EDIL3: variants seen among roughly 807,000 people sequenced by gnomAD.
The protein encoded by EDIL3 is EGF-like repeat and discoidin I-like domain-containing protein 3.
In EDIL3, 37 loss-of-function variants were observed where a neutral mutation model predicts 67.4. The ratio of observed to expected loss-of-function variants is 0.55; its 90% CI spans 0.42 to 0.72. The LOEUF (loss-of-function observed/expected upper bound fraction) is 0.72, where lower values mean the gene tolerates loss of function less well. EDIL3 is among the 30% of genes least tolerant of loss of function. The pLI is 0.00. For missense variants in EDIL3, 527 were observed against 586.3 expected, an observed-to-expected ratio of 0.90 and a Z score of 1.04; for synonymous variants, 195 against 196.3, an observed-to-expected ratio of 0.99 and a Z score of 0.05.
At chr5:83,957,552 C>A (rs1458341728) in intron 10 of EDIL3, among the ~76,000 whole-genome samples, 1 of 151,626 alleles carries the variant, frequency 6.6e-6, no homozygotes, top group Non-Finnish European at 1.5e-5. Context: ...TTGAATATAT[C>A]CTTCAATGCA....
intron 9 of EDIL3, among the ~76,000 whole-genome samples, chr5:84,019,585 C>A (rs1414672675): frequency 6.6e-6 from 1 of 151,748 alleles, no homozygotes; most frequent in African/African-American, 2.4e-5. Flanking sequence ...CACAGAAACC[C>A]AAACCAAACA....
chr5:84,347,081 T>C (rs988617880), intron 1 of EDIL3, among the ~76,000 whole-genome samples: 1 of 152,228 alleles, frequency 6.6e-6, no homozygotes, highest in Non-Finnish European at 1.5e-5. Context: ...AGCTCTGGGA[T>C]TCAAACTTCC....
chr5:84,084,024 G>A (rs1747025160), intron 6 of EDIL3, among the ~76,000 whole-genome samples: 1 of 152,140 alleles, frequency 6.6e-6, no homozygotes, highest in Non-Finnish European at 1.5e-5. Context: ...TGGAAGTAAA[G>A]AGCAGAATAC....
At chr5:84,074,792 G>A (rs907272828) in intron 6 of EDIL3, among the ~76,000 whole-genome samples, 4 of 152,096 alleles carry the variant, frequency 2.6e-5, no homozygotes, top group Non-Finnish European at 4.4e-5. Flanking sequence ...TCAGTGTGGC[G>A]ATTCCTCAGG....
At chr5:84,068,200 G>C (rs1340643448) in intron 6 of EDIL3, among the ~76,000 whole-genome samples, 1 of 152,086 alleles carries the variant, frequency 6.6e-6, no homozygotes, top group African/African-American at 2.4e-5. Context: ...CGCTATGAAA[G>C]AGTCATATTC....
intron 9 of EDIL3, among the ~76,000 whole-genome samples, chr5:84,005,127 C>A (rs1745389960): frequency 6.6e-6 from 1 of 151,946 alleles, no homozygotes; most frequent in South Asian, 2.1e-4. Flanking sequence ...CAAGATTAAA[C>A]CTGGAAGAAA....
chr5:84,093,400 G>GTAACTAAA (rs1195837112), intron 6 of EDIL3, among the ~76,000 whole-genome samples: 2 of 152,046 alleles, frequency 1.3e-5, no homozygotes, highest in Non-Finnish European at 2.9e-5. Context: ...TTGACCGAGT[G>GTAACTAAA]GGATAAAAGG....
intron 4 of EDIL3, among the ~76,000 whole-genome samples, chr5:84,155,270 C>T (rs779969450): frequency 3.9e-5 from 6 of 152,046 alleles, no homozygotes; most frequent in Non-Finnish European, 5.9e-5. Flanking sequence ...TTCATATATC[C>T]CCAGAAAGTT....
chr5:83,943,146 T>C lies in EDIL3; in HGVS notation c.*273A>G, dbSNP rs1278734472. 2 of 367,376 alleles carry C rather than the reference T, an allele frequency of 5.4e-6. No homozygotes were observed. The highest frequency in any genetic ancestry group is 6.1e-5 in the East Asian group (1 of 16,468). 22.8% of individuals were successfully genotyped at this position (367,376 alleles called of 1,614,324 possible). A position where few individuals can be genotyped will look rare whatever the true frequency, so the allele number is the denominator to read the frequency against. On this transcript the variant is annotated 3_prime_UTR_variant, in exon 11 of 11. Coordinates refer to ENST00000296591, the MANE Select transcript of EDIL3 (RefSeq NM_005711.5). ...TCTTTCCCTAATATATTTCTACCAATGCGAATAATTCAGGAAACAATGAGA... is the reference window on the plus strand; with the variant it reads ...TCTTTCCCTAATATATTTCTACCAACGCGAATAATTCAGGAAACAATGAGA...
At chr5:84,169,655 G>T (rs1748777396) in intron 4 of EDIL3, among the ~76,000 whole-genome samples, 1 of 149,248 alleles carries the variant, frequency 6.7e-6, no homozygotes, top group African/African-American at 2.5e-5. Flanking sequence ...TCTTGGGATT[G>T]GCTTTTTTTT....
chr5:84,263,872 G>A (rs1455563822), intron 1 of EDIL3, among the ~76,000 whole-genome samples: 3 of 152,190 alleles, frequency 2.0e-5, no homozygotes, highest in Non-Finnish European at 2.9e-5. Context: ...GAGCCTCGGA[G>A]TACATATGGA....
intron 3 of EDIL3, among the ~76,000 whole-genome samples, chr5:84,216,484 C>T (rs1439369446): frequency 6.6e-6 from 1 of 150,934 alleles, no homozygotes; most frequent in African/African-American, 2.4e-5. Context: ...AATAAAAAGG[C>T]TGAGTTTGCT....
intron 1 of EDIL3, among the ~76,000 whole-genome samples, chr5:84,271,239 C>T (rs1186562574): frequency 6.6e-6 from 1 of 151,752 alleles, no homozygotes; most frequent in African/African-American, 2.4e-5. Context: ...ACGGGGAAAC[C>T]CCGTCTCCAC....
intron 9 of EDIL3, among the ~76,000 whole-genome samples, chr5:84,009,878 A>G (rs2112178934): frequency 6.6e-6 from 1 of 152,274 alleles, no homozygotes; most frequent in South Asian, 2.1e-4. Context: ...TCCACCCTAC[A>G]TCCCTGTCCC....
chr5:84,106,313 G>A (rs551381294), intron 6 of EDIL3, among the ~76,000 whole-genome samples: 146 of 152,162 alleles, frequency 9.6e-4, no homozygotes, highest in African/African-American at 3.4e-3. Flanking sequence ...TAATTTTTAT[G>A]TTCTTAAAGT....
intron 4 of EDIL3, among the ~76,000 whole-genome samples, chr5:84,172,550 C>G (rs1461322552): frequency 6.6e-6 from 1 of 151,820 alleles, no homozygotes; most frequent in Non-Finnish European, 1.5e-5. Flanking sequence ...CCACTGCACT[C>G]CAGACTGGGT....
rs191234330 is a variant in EDIL3 at position 83,958,097 on chromosome 5, C to T, written c.1293+5108G>A. Among the ~76,000 whole-genome samples, 24 of 151,526 alleles carry T rather than the reference C, an allele frequency of 1.6e-4. 1 individual carries two copies. Among genetic ancestry groups the T allele is most frequent in the African/African-American group, 3.9e-4 (16 of 41,430 alleles). ...TTGATTCATATTGACTTCCTCTGAC[C>T]AATTAGAGGCCAAAGTCCTAAAGAA... On this transcript the variant is annotated intron_variant, in intron 10 of 10. Coordinates refer to ENST00000296591, the MANE Select transcript of EDIL3 (RefSeq NM_005711.5).
At chr5:84,356,885 C>CTTTTTTTTTT (rs1229298711) in intron 1 of EDIL3, among the ~76,000 whole-genome samples, 5 of 39,338 alleles carry the variant, frequency 1.3e-4, no homozygotes, top group African/African-American at 4.3e-4. Flanking sequence ...AACAATCTTT[C>CTTTTTTTTTT]TTTCTTTTTT....
At chr5:84,006,365 A>AAACAC (rs1156957597) in intron 9 of EDIL3, among the ~76,000 whole-genome samples, 3 of 151,860 alleles carry the variant, frequency 2.0e-5, no homozygotes, top group Non-Finnish European at 4.4e-5. Flanking sequence ...AAACAAAACA[A>AAACAC]AACAAAACAA....
Sources: allele counts gnomAD v4.1 joint callset (sites outside exome capture counted in the v4.1 genomes callset), GRCh38; gene constraint gnomAD v4.1.1; transcripts MANE v1.5; gene names NCBI Gene and HGNC (gene_info 2026-07-23, HGNC 2026-07-21).